The following ARG2 variants were observed in gnomAD, a reference collection of about 807,000 sequenced individuals.
The protein encoded by ARG2 is arginase 2.
A neutral mutation model predicts 39.4 loss-of-function variants in ARG2; 21 were observed. That is an observed-to-expected ratio of 0.53 (90% CI 0.38 to 0.77). ARG2 has a LOEUF of 0.77. Among genes scored for constraint, ARG2 ranks in the 30% least tolerant of loss-of-function variants. ARG2 has a pLI of 0.00. For missense variants in ARG2, 378 were observed against 426.2 expected (o/e 0.89, Z 1.00); for synonymous variants, 150 against 156.7 (o/e 0.96, Z 0.32).
intron 2 of ARG2, among the ~76,000 whole-genome samples, chr14:67,641,757 T>C (rs2037033746): frequency 6.6e-6 from 1 of 152,168 alleles, no homozygotes; most frequent in African/African-American, 2.4e-5. Flanking sequence ...TGGGGCAACA[T>C]AGCAAGACCC....
At chr14:67,625,585 C>G (rs2036856002) in intron 2 of ARG2, among the ~76,000 whole-genome samples, 1 of 146,712 alleles carries the variant, frequency 6.8e-6, no homozygotes. Context: ...GAGGCTGAGG[C>G]AGGAGAATTG....
In ARG2 at chr14:67,620,020, G is replaced by C; in HGVS notation, c.43G>C (p.Val15Leu). 6.2e-7 allele frequency: 1 copy of C among 1,611,804 alleles called. No homozygotes were observed. Among genetic ancestry groups the C allele is most frequent in the African/African-American group, 1.3e-5 (1 of 74,814 alleles). Reference sequence around the variant, plus strand: ...CCTCTCGCGTCTCCTCCAGACGCGAGTGCATTCCATCCTGAAGAAATCCGT... The same window carrying C: ...CCTCTCGCGTCTCCTCCAGACGCGACTGCATTCCATCCTGAAGAAATCCGT... Reference protein sequence around the residue: ...GSLSRLLQTRVHSILKKSVHS... With the variant: ...GSLSRLLQTRLHSILKKSVHS... Residue 15 changes from valine (V) to leucine (L), a missense_variant, in exon 1 of 8, where the codon GTG becomes CTG. Transcript: ENST00000261783.
intron 7 of ARG2, chr14:67,650,503 GT>G (rs1244927722): frequency 1.7e-6 from 1 of 578,084 alleles, no homozygotes; most frequent in African/African-American, 1.9e-5. Context: ...ATCTTAAAAG[GT>G]TTCTTTTAAT....
intron 2 of ARG2, among the ~76,000 whole-genome samples, chr14:67,638,671 GT>G (rs1443859545): frequency 6.6e-6 from 1 of 152,164 alleles, no homozygotes; most frequent in Non-Finnish European, 1.5e-5. Flanking sequence ...AAAAAACAGA[GT>G]TGGGAGCAGG....
At chr14:67,622,275 G>A (rs2036818708) in intron 2 of ARG2, among the ~76,000 whole-genome samples, 1 of 152,200 alleles carries the variant, frequency 6.6e-6, no homozygotes, top group Non-Finnish European at 1.5e-5. Context: ...CATAATCTAA[G>A]TTAACTCCCC....
intron 2 of ARG2, among the ~76,000 whole-genome samples, chr14:67,635,427 T>A (rs988085053): frequency 2.0e-5 from 3 of 152,232 alleles, no homozygotes; most frequent in Non-Finnish European, 4.4e-5. Flanking sequence ...TCAAATGGCC[T>A]GAATTAACCC....
chr14:67,643,675 A>C (rs1277395286), intron 3 of ARG2, among the ~76,000 whole-genome samples: 2 of 152,128 alleles, frequency 1.3e-5, no homozygotes, highest in Admixed American at 1.3e-4. Context: ...TAAATAAATA[A>C]GAAAGAAAAT....
intron 2 of ARG2, among the ~76,000 whole-genome samples, chr14:67,639,151 G>A (rs940935155): frequency 1.1e-4 from 16 of 152,172 alleles, no homozygotes; most frequent in Non-Finnish European, 2.1e-4. Flanking sequence ...CTGTAAGATT[G>A]CCAAATTCTC....
intron 2 of ARG2, among the ~76,000 whole-genome samples, 163 bp from the exon 3 acceptor site, chr14:67,642,023 T>C (rs1422791761): frequency 6.6e-6 from 1 of 152,206 alleles, no homozygotes. Flanking sequence ...CTGTTCATAA[T>C]AGGATCGAGA....
chr14:67,624,918 C>A (rs1020131173), intron 2 of ARG2, among the ~76,000 whole-genome samples: 2 of 152,222 alleles, frequency 1.3e-5, no homozygotes, highest in Non-Finnish European at 2.9e-5. Flanking sequence ...CCCAGATCAG[C>A]TGTAGCCTGG....
chr14:67,642,796 T>TC (rs1405962866), intron 3 of ARG2, among the ~76,000 whole-genome samples: 6 of 92,268 alleles, frequency 6.5e-5, no homozygotes, highest in South Asian at 8.9e-4. Flanking sequence ...ACATTTTCTT[T>TC]TTTTTTTTTT....
At chr14:67,643,534 C>CT (rs2037059054) in intron 3 of ARG2, among the ~76,000 whole-genome samples, 1 of 152,152 alleles carries the variant, frequency 6.6e-6, no homozygotes, top group African/African-American at 2.4e-5. Flanking sequence ...TATATAAGAA[C>CT]TTATCCAAGG....
At chr14:67,620,840 G>A in intron 1 of ARG2, 54 bp from the exon 2 acceptor site, 1 of 1,596,962 alleles carries the variant, frequency 6.3e-7, no homozygotes, top group Admixed American at 1.7e-5. Context: ...TACCAAATGG[G>A]TTTTTTTCCG....
chr14:67,651,370 C>A lies in ARG2; in HGVS notation c.*450C>A. The A allele has an allele frequency of 6.2e-7, 1 of 1,613,468 alleles. No homozygotes were observed. The highest frequency in any genetic ancestry group is 1.1e-5 in the South Asian group (1 of 91,046). ...AGGTCAAAGTTCTGGTCCACAAACC[C>A]TTCCCTATAGAAGTTCAATGGCTGC... is the stretch of plus-strand genomic sequence containing the variant. On this transcript the variant is annotated 3_prime_UTR_variant, in exon 8 of 8. Coordinates refer to ENST00000261783, the MANE Select transcript of ARG2 (RefSeq NM_001172.4).
chr14:67,635,066 G>A (rs145711859), intron 2 of ARG2, among the ~76,000 whole-genome samples: 3 of 151,838 alleles, frequency 2.0e-5, no homozygotes, highest in Non-Finnish European at 4.4e-5. Context: ...GTAAAATGGC[G>A]AAATCTTGTC....
chr14:67,647,261 C>T (rs1464283859), intron 6 of ARG2: 5 of 430,496 alleles, frequency 1.2e-5, no homozygotes, highest in Non-Finnish European at 1.7e-5. Flanking sequence ...TTTTCTTTAT[C>T]TCCATCTTTA....
intron 2 of ARG2, among the ~76,000 whole-genome samples, chr14:67,640,202 C>T (rs1287256573): frequency 1.3e-5 from 2 of 151,942 alleles, no homozygotes; most frequent in African/African-American, 4.8e-5. Context: ...TCATATTTTT[C>T]TCCTCCTACC....
intron 2 of ARG2, among the ~76,000 whole-genome samples, chr14:67,626,488 T>C (rs995590871): frequency 1.1e-4 from 16 of 152,306 alleles, no homozygotes; most frequent in African/African-American, 3.4e-4. Context: ...CCTATGTATA[T>C]ACCTAACAGA....
intron 2 of ARG2, among the ~76,000 whole-genome samples, chr14:67,638,802 A>T (rs2037000249): frequency 6.6e-6 from 1 of 152,188 alleles, no homozygotes; most frequent in Admixed American, 6.5e-5. Context: ...AGGCTTTCAG[A>T]CCCAGACTCA....
Sources: allele counts gnomAD v4.1 joint callset (sites outside exome capture counted in the v4.1 genomes callset), GRCh38; gene constraint gnomAD v4.1.1; transcripts MANE v1.5; gene names NCBI Gene and HGNC (gene_info 2026-07-23, HGNC 2026-07-21).